Variants in FAM81B observed in about 807,000 individuals in gnomAD.
FAM81B encodes protein FAM81B.
A neutral mutation model predicts 58.7 loss-of-function variants in FAM81B; 60 were observed. The observed-to-expected ratio is 1.02, with a 90% CI of 0.83 to 1.27. The LOEUF is 1.27. Among genes scored for constraint, FAM81B ranks in the 50% most tolerant of loss-of-function variants. The pLI is 0.00. For missense variants in FAM81B, 491 were observed against 522.0 expected, an observed-to-expected ratio of 0.94 and a Z score of 0.58; for synonymous variants, 189 against 179.6, an observed-to-expected ratio of 1.05 and a Z score of -0.42.
Position 95,418,502 on chromosome 5 carries a change from G to A in FAM81B, c.538-1782G>A, listed in dbSNP as rs1199667696. On this transcript the variant is annotated intron_variant, in intron 4 of 9. Transcript: ENST00000283357. The stretch of plus-strand genomic sequence containing the variant: ...ATAAATTCATGCTAGTTTTGCTGTC[G>A]CACTTCAAGCTACAAGAGTTACAGC... Among the ~76,000 whole-genome samples the A allele has an allele frequency of 2.6e-5, 4 of 152,220 alleles. No homozygotes were observed. The East Asian group carries it at 5.8e-4, about 22-fold the overall frequency.
At chr5:95,426,127 C>A (rs1159648529) in intron 5 of FAM81B, among the ~76,000 whole-genome samples, 3 of 93,110 alleles carry the variant, frequency 3.2e-5, no homozygotes, top group African/African-American at 1.5e-4. Context: ...TATATATGTA[C>A]ACATATATTT....
intron 6 of FAM81B, among the ~76,000 whole-genome samples, chr5:95,430,571 G>T (rs1360307480): frequency 6.6e-6 from 1 of 151,840 alleles, no homozygotes; most frequent in African/African-American, 2.4e-5. Flanking sequence ...TGCATAGATG[G>T]ACATTTGGGT....
chr5:95,444,542 T>C (rs1745483804), intron 7 of FAM81B, among the ~76,000 whole-genome samples: 1 of 152,110 alleles, frequency 6.6e-6, no homozygotes, highest in South Asian at 2.1e-4. Context: ...ATCCAGTGGG[T>C]GGGCTTATTT....
intron 7 of FAM81B, 102 bp from the exon 8 acceptor site, chr5:95,446,460 A>T (rs753843957): frequency 1.1e-5 from 12 of 1,127,970 alleles, no homozygotes; most frequent in South Asian, 1.7e-5. Context: ...CTTGCTAGAC[A>T]CACTGAGTCT....
intron 9 of FAM81B, among the ~76,000 whole-genome samples, chr5:95,449,139 T>C (rs1041858962): frequency 6.6e-6 from 1 of 152,122 alleles, no homozygotes; most frequent in Non-Finnish European, 1.5e-5. Flanking sequence ...CCCAAGTAAT[T>C]TTTTTTCTTT....
intron 5 of FAM81B, among the ~76,000 whole-genome samples, chr5:95,422,598 TC>T (rs1031926796): frequency 1.3e-5 from 2 of 152,166 alleles, no homozygotes; most frequent in African/African-American, 4.8e-5. Flanking sequence ...TTATCATGCC[TC>T]AGCCTCCTGA....
intron 7 of FAM81B, among the ~76,000 whole-genome samples, chr5:95,445,854 T>C (rs1165555991): frequency 6.6e-6 from 1 of 152,170 alleles, no homozygotes; most frequent in East Asian, 1.9e-4. Flanking sequence ...TCTCCTCTGC[T>C]AGACAATGCA....
chr5:95,422,220 A>C (rs1420607374), intron 5 of FAM81B, among the ~76,000 whole-genome samples: 2 of 151,922 alleles, frequency 1.3e-5, no homozygotes, highest in African/African-American at 4.8e-5. Flanking sequence ...GAAATAATAC[A>C]TATGGTTGAA....
chr5:95,431,022 T>C (rs1744862489), intron 6 of FAM81B, among the ~76,000 whole-genome samples: 1 of 152,136 alleles, frequency 6.6e-6, no homozygotes, highest in Non-Finnish European at 1.5e-5. Context: ...GTCTTTTGCC[T>C]ATTTCTCTAC....
intron 7 of FAM81B, among the ~76,000 whole-genome samples, chr5:95,439,014 G>C (rs1039543123): frequency 1.3e-5 from 2 of 150,452 alleles, no homozygotes; most frequent in African/African-American, 4.9e-5. Context: ...GTACATCCTG[G>C]ATATCTCTCC....
intron 3 of FAM81B, among the ~76,000 whole-genome samples, chr5:95,412,787 A>T (rs1033248148): frequency 2.0e-5 from 3 of 152,210 alleles, no homozygotes; most frequent in African/African-American, 4.8e-5. Flanking sequence ...GAAGCAGGTA[A>T]GTTCAAGAAT....
At chr5:95,402,023 G>A (rs1412419254) in intron 3 of FAM81B, among the ~76,000 whole-genome samples, 1 of 152,204 alleles carries the variant, frequency 6.6e-6, no homozygotes, top group Non-Finnish European at 1.5e-5. Flanking sequence ...ATCTGCACTA[G>A]TCTGGAATAT....
chr5:95,421,692 G>A (rs1582807605), intron 5 of FAM81B, among the ~76,000 whole-genome samples: 1 of 152,128 alleles, frequency 6.6e-6, no homozygotes, highest in Non-Finnish European at 1.5e-5. Flanking sequence ...AAAAGGTTGT[G>A]GAGATCAGAG....
chr5:95,434,922 G>A (rs1366373276), intron 6 of FAM81B, among the ~76,000 whole-genome samples: 1 of 152,194 alleles, frequency 6.6e-6, no homozygotes, highest in Non-Finnish European at 1.5e-5. Flanking sequence ...TGCCATAAAG[G>A]AATTAAATGT....
intron 3 of FAM81B, among the ~76,000 whole-genome samples, chr5:95,408,299 C>T (rs761676448): frequency 6.6e-6 from 1 of 152,140 alleles, no homozygotes; most frequent in African/African-American, 2.4e-5. Context: ...TTTGCCTGTA[C>T]ATGAAATAGC....
intron 3 of FAM81B, among the ~76,000 whole-genome samples, chr5:95,409,925 T>C (rs1159192468): frequency 6.6e-6 from 1 of 152,234 alleles, no homozygotes; most frequent in African/African-American, 2.4e-5. Context: ...AAATTGCATA[T>C]GGCAAATACC....
chr5:95,425,764 T>C (rs1762806904), intron 5 of FAM81B, among the ~76,000 whole-genome samples: 1 of 151,802 alleles, frequency 6.6e-6, no homozygotes, highest in Admixed American at 6.6e-5. Context: ...ATTAGCAAAT[T>C]TTTTTTTAAA....
chr5:95,419,616 T>G (rs1762625831), intron 4 of FAM81B, among the ~76,000 whole-genome samples: 1 of 152,150 alleles, frequency 6.6e-6, no homozygotes, highest in South Asian at 2.1e-4. Context: ...GAAAGTCAGT[T>G]CTATTTCCAG....
Position 95,414,294 on chromosome 5 carries a change from T to A in FAM81B, c.537+104T>A, listed in dbSNP as rs760265370. ...GTCATTTTTCAAGTGCAGAAATATA[T>A]CACTATTGCTTAAGTTTAGATGATT... On this transcript the variant is annotated intron_variant, in intron 4 of 9. Coordinates refer to ENST00000283357, the MANE Select transcript of FAM81B (RefSeq NM_152548.3). The A allele has an allele frequency of 3.3e-6, 4 of 1,225,682 alleles. No individual in the cohort carries two copies. The African/African-American group carries it at 4.6e-5, about 14-fold the overall frequency. 75.9% of individuals were successfully genotyped at this position (1,225,682 alleles called of 1,614,324 possible).
Sources: gnomAD v4.1 joint callset for allele counts (sites outside exome capture counted in the v4.1 genomes callset) on GRCh38, gnomAD v4.1.1 for gene constraint, MANE v1.5 for transcripts, NCBI Gene and HGNC (gene_info 2026-07-23, HGNC 2026-07-21) for gene names.